LHPP: variants seen among roughly 807,000 people sequenced by gnomAD.
LHPP encodes phospholysine phosphohistidine inorganic pyrophosphate phosphatase.
Under a neutral mutation model 30.3 loss-of-function variants are expected in LHPP, and 24 were observed. The observed-to-expected ratio is 0.79, with a 90% CI of 0.57 to 1.11. The LOEUF (loss-of-function observed/expected upper bound fraction) is 1.11, where lower values mean the gene tolerates loss of function less well. Among genes scored for constraint, LHPP ranks in the 50% most tolerant of loss-of-function variants. LHPP has a pLI of 0.00. For synonymous variants in LHPP, 150 were observed against 157.1 expected, an observed-to-expected ratio of 0.95 and a Z score of 0.34; for missense variants, 356 against 367.2, an observed-to-expected ratio of 0.97 and a Z score of 0.25.
At chr10:124,540,230 G>A (rs1318417083) in intron 6 of LHPP, among the ~76,000 whole-genome samples, 1 of 152,182 alleles carries the variant, frequency 6.6e-6, no homozygotes, top group East Asian at 1.9e-4. Context: ...GGCCTCCCGA[G>A]ACAAGGAGGG....
At chr10:124,551,859 C>T (rs530228577) in intron 6 of LHPP, among the ~76,000 whole-genome samples, 5 of 152,180 alleles carry the variant, frequency 3.3e-5, no homozygotes, top group East Asian at 1.9e-4. Context: ...GACCTCACCA[C>T]GGAGGCGCAC....
intron 6 of LHPP, among the ~76,000 whole-genome samples, chr10:124,543,413 G>A (rs930161681): frequency 7.2e-5 from 11 of 152,266 alleles, no homozygotes; most frequent in African/African-American, 1.9e-4. Flanking sequence ...TGGCTGTACC[G>A]TGGCTGCGGT....
intron 6 of LHPP, among the ~76,000 whole-genome samples, chr10:124,557,273 G>T (rs553318655): frequency 6.6e-6 from 1 of 152,248 alleles, no homozygotes; most frequent in African/African-American, 2.4e-5. Flanking sequence ...TGAGTGCTCA[G>T]TAGGCAGACC....
At chr10:124,473,047 G>A (rs1430091992) in intron 1 of LHPP, among the ~76,000 whole-genome samples, 3 of 151,268 alleles carry the variant, frequency 2.0e-5, no homozygotes, top group African/African-American at 7.4e-5. Context: ...TCTGATCTCA[G>A]CCTTGGTGGG....
intron 6 of LHPP, among the ~76,000 whole-genome samples, chr10:124,527,142 C>T (rs1954761357): frequency 6.6e-6 from 1 of 152,268 alleles, no homozygotes; most frequent in Non-Finnish European, 1.5e-5. Context: ...TCCGCTGCTG[C>T]TCTGCGGCTC....
intron 6 of LHPP, among the ~76,000 whole-genome samples, chr10:124,561,339 G>T (rs1429448271): frequency 1.3e-5 from 2 of 152,136 alleles, no homozygotes; most frequent in Admixed American, 1.3e-4. Flanking sequence ...GTCAGAGAAG[G>T]CCAAGGAGGG....
chr10:124,518,230 C>T (rs1954511605), intron 6 of LHPP, among the ~76,000 whole-genome samples: 1 of 152,200 alleles, frequency 6.6e-6, no homozygotes, highest in Admixed American at 6.5e-5. Flanking sequence ...CCAGGCTTCC[C>T]CCGACGTGTA....
chr10:124,608,649 G>A (rs1564852002), intron 6 of LHPP, among the ~76,000 whole-genome samples: 2 of 152,170 alleles, frequency 1.3e-5, no homozygotes, highest in East Asian at 1.9e-4. Flanking sequence ...GATTTACTGA[G>A]CTAGCCAGCC....
intron 6 of LHPP, among the ~76,000 whole-genome samples, chr10:124,604,751 T>A (rs1215907469): frequency 6.6e-6 from 1 of 152,224 alleles, no homozygotes; most frequent in African/African-American, 2.4e-5. Context: ...GATCCCTGAA[T>A]TCACTGGGCA....
At chr10:124,568,788 G>A (rs1182616016) in intron 6 of LHPP, among the ~76,000 whole-genome samples, 1 of 152,266 alleles carries the variant, frequency 6.6e-6, no homozygotes, top group East Asian at 1.9e-4. Flanking sequence ...CCCTCACCTC[G>A]CCGTTACACA....
At chr10:124,468,085 G>A (rs1952613322) in intron 1 of LHPP, among the ~76,000 whole-genome samples, 1 of 152,168 alleles carries the variant, frequency 6.6e-6, no homozygotes, top group Non-Finnish European at 1.5e-5. Flanking sequence ...AGGGGGTGTT[G>A]GGAAATGTCA....
intron 1 of LHPP, among the ~76,000 whole-genome samples, chr10:124,469,234 C>T (rs1194742038): frequency 6.6e-6 from 1 of 152,018 alleles, no homozygotes; most frequent in Non-Finnish European, 1.5e-5. Context: ...GGAACACATG[C>T]CTCCGTGGCA....
intron 6 of LHPP, among the ~76,000 whole-genome samples, chr10:124,607,150 C>G (rs1949106009): frequency 6.6e-6 from 1 of 152,320 alleles, no homozygotes; most frequent in Non-Finnish European, 1.5e-5. Flanking sequence ...CCGCTCTGTA[C>G]CCACTGCCGA....
At chr10:124,610,440 C>G (rs59294727) in intron 6 of LHPP, among the ~76,000 whole-genome samples, 30,917 of 36,360 alleles carry the variant, frequency 0.85, 12,806 homozygotes, top group Middle Eastern at 0.97. Flanking sequence ...GGTGCTGATG[C>G]AGCGGGTGAG....
rs967661643 is a variant in LHPP at position 124,613,614 on chromosome 10, GC to G, written c.*257del. On this transcript the variant is annotated 3_prime_UTR_variant, in exon 7 of 7. Transcript: ENST00000368842. ...CTGGGTGGCCTGCTCCCCTGCCTGG[GC>G]CCTGACTTCAGCTCCCTGTAGTGAA... 3.6e-6 allele frequency: 2 copies of G among 558,334 alleles called. No homozygotes were observed. Among genetic ancestry groups the G allele is most frequent in the African/African-American group, 3.8e-5 (2 of 52,896 alleles). The allele number at this position is 558,334 out of a possible 1,614,324, so 34.6% of individuals were successfully genotyped here. A position where few individuals can be genotyped will look rare whatever the true frequency, so the allele number is the denominator to read the frequency against.
At chr10:124,567,279 C>A (rs555364211) in intron 6 of LHPP, among the ~76,000 whole-genome samples, 2 of 152,352 alleles carry the variant, frequency 1.3e-5, no homozygotes, top group South Asian at 4.1e-4. Flanking sequence ...CTGGGCAGAG[C>A]AAACTGATGA....
chr10:124,573,241 C>T (rs1284007442), intron 6 of LHPP, among the ~76,000 whole-genome samples: 1 of 152,242 alleles, frequency 6.6e-6, no homozygotes, highest in Non-Finnish European at 1.5e-5. Flanking sequence ...GTGAACACCT[C>T]ACACATCTGT....
In LHPP at chr10:124,517,263, G is replaced by C. The variant is rs781160744; in HGVS notation, c.708G>C (p.Gly236=). Reference sequence around the variant, plus strand: ...TGAGAGCGCTGCAGGTGCGCACCGGGAAGTTCAGGTCAGTGCCAGCTGGAG... The same window carrying C: ...TGAGAGCGCTGCAGGTGCGCACCGGCAAGTTCAGGTCAGTGCCAGCTGGAG... ...CGMRALQVRT[G]KFRPSDEHHP... The change falls in exon 6 of 7, where the codon GGG becomes GGC. Residue 236 remains glycine (G), a synonymous_variant. Transcript: ENST00000368842. The surrounding 1 kb of genome is among the most constrained non-coding windows in gnomAD (Gnocchi z 4.1). 8 of 1,595,902 alleles carry C rather than the reference G, an allele frequency of 5.0e-6. No individual in the cohort carries two copies. Among genetic ancestry groups the C allele is most frequent in the Middle Eastern group, 3.3e-4 (2 of 6,012 alleles).
intron 6 of LHPP, among the ~76,000 whole-genome samples, chr10:124,533,496 CAG>C (rs1426870441): frequency 6.6e-6 from 1 of 152,214 alleles, no homozygotes; most frequent in Non-Finnish European, 1.5e-5. Context: ...GTCACCCGGA[CAG>C]AGTGTGGCAC....
Sources: allele counts gnomAD v4.1 joint callset (sites outside exome capture counted in the v4.1 genomes callset), GRCh38; gene constraint gnomAD v4.1.1; non-coding constraint Gnocchi (gnomAD v3.1); transcripts MANE v1.5; gene names NCBI Gene and HGNC (gene_info 2026-07-23, HGNC 2026-07-21).